Variants in ASB3 observed in about 807,000 individuals in gnomAD.
The protein encoded by ASB3 is ankyrin repeat and SOCS box protein 3.
ASB3 carries 41 observed loss-of-function variants against 54.5 expected under a neutral mutation model. The observed-to-expected ratio is 0.75, with a 90% CI of 0.59 to 0.98. ASB3 has a LOEUF of 0.98. ASB3 is among the 50% of genes least tolerant of loss of function. ASB3 has a pLI of 0.00. For missense variants in ASB3, 733 were observed against 620.0 expected, an observed-to-expected ratio of 1.18 and a Z score of -1.94; for synonymous variants, 266 against 221.2, an observed-to-expected ratio of 1.20 and a Z score of -1.80.
At chr2:53,694,163 G>C (rs1669064035) in intron 8 of ASB3, 149 bp from the exon 9 acceptor site, 1 of 810,962 alleles carries the variant, frequency 1.2e-6, no homozygotes, top group African/African-American at 1.8e-5. Flanking sequence ...TGTAACTAGA[G>C]GCAAGATCAG....
chr2:53,761,098 G>C (rs377384365), intron 2 of ASB3, among the ~76,000 whole-genome samples: 1 of 152,152 alleles, frequency 6.6e-6, no homozygotes, highest in East Asian at 1.9e-4. Context: ...TGAGAGGGGG[G>C]ACTGAGAGAC....
intron 5 of ASB3, among the ~76,000 whole-genome samples, chr2:53,725,753 C>T (rs866312948): frequency 2.0e-5 from 3 of 151,920 alleles, no homozygotes; most frequent in African/African-American, 2.4e-5. Context: ...GTTTTATGTA[C>T]GCAAAAACTA....
At chr2:53,762,993 C>T (rs1321630925) in intron 2 of ASB3, among the ~76,000 whole-genome samples, 1 of 151,942 alleles carries the variant, frequency 6.6e-6, no homozygotes, top group Non-Finnish European at 1.5e-5. Flanking sequence ...TTTGTGTAGG[C>T]CTACATACCT....
intron 7 of ASB3, among the ~76,000 whole-genome samples, chr2:53,703,774 T>C (rs190320482): frequency 6.6e-6 from 1 of 152,216 alleles, no homozygotes; most frequent in East Asian, 1.9e-4. Flanking sequence ...CTAGAAAATA[T>C]ACAAATGAGA....
chr2:53,725,385 T>C lies in ASB3; in HGVS notation c.604+3327A>G, dbSNP rs548203935. On this transcript the variant is annotated intron_variant, in intron 5 of 9. Coordinates refer to ENST00000263634, the MANE Select transcript of ASB3 (RefSeq NM_016115.5). The stretch of plus-strand genomic sequence containing the variant: ...GTCATTCATATCCCAAACCTCAGCA[T>C]CATGCAATACACCTATGTAACAAAC... 1.6e-4 allele frequency among the ~76,000 whole-genome samples: 25 copies of C among 152,298 alleles called. No homozygotes were observed. In the East Asian group the frequency reaches 4.4e-3, roughly 27 times the overall value.
At chr2:53,734,630 T>A (rs948464456) in intron 3 of ASB3, among the ~76,000 whole-genome samples, 2 of 152,260 alleles carry the variant, frequency 1.3e-5, no homozygotes, top group African/African-American at 4.8e-5. Context: ...TCTACTGCCA[T>A]AATTCATGTA....
Position 53,765,683 on chromosome 2 carries a change from C to T in ASB3, c.-13-98G>A, listed in dbSNP as rs907866486. ...CGGTGGGCCTGTCTAGTATCTCTCA[C>T]ATGACTGACGAAGAAGGGCCCACAA... is the stretch of plus-strand genomic sequence containing the variant. On this transcript the variant is annotated intron_variant, in intron 1 of 9. Transcript: ENST00000263634. 58 of 1,401,298 alleles carry T rather than the reference C, an allele frequency of 4.1e-5. No homozygotes were observed. The Admixed American group carries it at 9.7e-4, about 23-fold the overall frequency. The allele number at this position is 1,401,298 out of a possible 1,614,324, so 86.8% of individuals were successfully genotyped here.
chr2:53,734,772 A>G lies in ASB3; in HGVS notation c.356-5202T>C, dbSNP rs532128454. Among the ~76,000 whole-genome samples the G allele has an allele frequency of 7.2e-5, 11 of 152,250 alleles. No individual in the cohort carries two copies. The South Asian group carries it at 2.3e-3, about 32-fold the overall frequency. ...AACATAAACTTTTTTCTCCATGTCAACAGCACTGTTGTGGTGTTACAACTT... is the reference window on the plus strand; with the variant it reads ...AACATAAACTTTTTTCTCCATGTCAGCAGCACTGTTGTGGTGTTACAACTT... On this transcript the variant is annotated intron_variant, in intron 3 of 9. Transcript: ENST00000263634.
At chr2:53,766,703 T>A (rs113643827) in intron 1 of ASB3, among the ~76,000 whole-genome samples, 1 of 152,200 alleles carries the variant, frequency 6.6e-6, no homozygotes, top group African/African-American at 2.4e-5. Flanking sequence ...GTTTTCTGTG[T>A]ATTCAAAATT....
At chr2:53,723,330 T>G (rs1670813495) in intron 5 of ASB3, among the ~76,000 whole-genome samples, 1 of 151,938 alleles carries the variant, frequency 6.6e-6, no homozygotes. Flanking sequence ...AATGTCAGAG[T>G]TTTTTGTTTT....
intron 5 of ASB3, among the ~76,000 whole-genome samples, chr2:53,722,647 C>T (rs1301994715): frequency 6.6e-6 from 1 of 151,954 alleles, no homozygotes; most frequent in East Asian, 1.9e-4. Flanking sequence ...AAAAACAAAA[C>T]AAACAAAACA....
At chr2:53,680,069 G>C (rs2103658924) in intron 9 of ASB3, among the ~76,000 whole-genome samples, 1 of 152,266 alleles carries the variant, frequency 6.6e-6, no homozygotes. Context: ...CAAAGGACAT[G>C]ATTTCATTCT....
chr2:53,781,342 G>T (rs973612269), intron 1 of ASB3, among the ~76,000 whole-genome samples: 2 of 151,316 alleles, frequency 1.3e-5, no homozygotes, highest in African/African-American at 4.9e-5. Context: ...AGCCCAGGAG[G>T]TTGAGGCTAC....
At chr2:53,736,264 G>A (rs1437068296) in intron 3 of ASB3, among the ~76,000 whole-genome samples, 1 of 152,136 alleles carries the variant, frequency 6.6e-6, no homozygotes. Context: ...TTCCATTAGG[G>A]AAATGCAAAT....
At chr2:53,674,683 A>G (rs1201516883) in intron 9 of ASB3, among the ~76,000 whole-genome samples, 2 of 152,074 alleles carry the variant, frequency 1.3e-5, no homozygotes, top group Admixed American at 6.6e-5. Context: ...TTTGCACATC[A>G]AATGCATTTA....
In ASB3 at chr2:53,728,695, C is replaced by T. The variant is rs767638952; in HGVS notation, c.604+17G>A. On this transcript the variant is annotated intron_variant, in intron 5 of 9. Coordinates refer to ENST00000263634, the MANE Select transcript of ASB3 (RefSeq NM_016115.5). ...GCTCATGATCTTAACAGTACAAAGG[C>T]TAATGGATAATCTTACCCGATGAAA... The T allele has an allele frequency of 4.5e-5, 71 of 1,578,322 alleles. No individual in the cohort carries two copies. The highest frequency in any genetic ancestry group is 6.0e-5 in the Non-Finnish European group (70 of 1,162,170).
chr2:53,697,283 C>A (rs1572860973), intron 8 of ASB3, among the ~76,000 whole-genome samples: 1 of 152,314 alleles, frequency 6.6e-6, no homozygotes, highest in East Asian at 1.9e-4. Flanking sequence ...CTTGCCCACC[C>A]CTTTCCTGGA....
At chr2:53,671,969 A>G (rs1280444373) in intron 9 of ASB3, among the ~76,000 whole-genome samples, 6 of 152,216 alleles carry the variant, frequency 3.9e-5, no homozygotes, top group Non-Finnish European at 7.3e-5. Context: ...AGCACAGCTG[A>G]TACCAGACCA....
chr2:53,717,738 T>G (rs1670478444), intron 5 of ASB3, among the ~76,000 whole-genome samples: 1 of 152,010 alleles, frequency 6.6e-6, no homozygotes, highest in Non-Finnish European at 1.5e-5. Flanking sequence ...AAGCAAGGAT[T>G]GCAAGGAAGC....
Sources: gnomAD v4.1 joint callset for allele counts (sites outside exome capture counted in the v4.1 genomes callset) on GRCh38, gnomAD v4.1.1 for gene constraint, MANE v1.5 for transcripts, NCBI Gene and HGNC (gene_info 2026-07-23, HGNC 2026-07-21) for gene names.